The following GBX2 variants were observed in gnomAD, a reference collection of about 807,000 sequenced individuals.
GBX2 encodes gastrulation brain homeobox 2.
Under a neutral mutation model 22.4 loss-of-function variants are expected in GBX2, and 5 were observed. The ratio of observed to expected loss-of-function variants is 0.22; its 90% CI spans 0.12 to 0.47. The LOEUF (loss-of-function observed/expected upper bound fraction) is 0.47. Ranked by LOEUF, GBX2 falls within the 20% of genes least tolerant of loss-of-function variation. GBX2 has a pLI of 0.99. For synonymous variants in GBX2, 220 were observed against 230.5 expected (o/e 0.95, Z 0.41); for missense variants, 470 against 495.4 (o/e 0.95, Z 0.49).
chr2:236,166,385 C>A lies in GBX2; in HGVS notation c.576G>T (p.Pro192=). Residue 192 remains proline, a synonymous_variant, in exon 2 of 2, where the codon CCG becomes CCT. Transcript: ENST00000306318. This position sits in a 1 kb window ranked among gnomAD's most constrained non-coding sequence, Gnocchi z 6.6. ...GKDESKVEDD[P]KGKEESFSLE... ...GCGAGAAGCTCTCCTCCTTGCCCTT[C>A]GGGTCGTCTTCCACCTTTGACTCGT... 1 of 1,614,028 alleles carries A rather than the reference C, an allele frequency of 6.2e-7. No individual in the cohort carries two copies. Among genetic ancestry groups the A allele is most frequent in the Non-Finnish European group, 8.5e-7 (1 of 1,180,010 alleles).
chr2:236,161,992 A>T (rs2060215715), downstream of GBX2, among the ~76,000 whole-genome samples: 1 of 152,254 alleles, frequency 6.6e-6, no homozygotes, highest in South Asian at 2.1e-4. Flanking sequence ...ATGGGGCATA[A>T]CATGGGACTC....
chr2:236,168,019 C>G lies in GBX2; in HGVS notation c.-48G>C, dbSNP rs755785610. 102 of 1,396,684 alleles carry G rather than the reference C, an allele frequency of 7.3e-5. 1 individual carries two copies. In the South Asian group the frequency reaches 1.3e-3, roughly 18 times the overall value. 86.5% of individuals were successfully genotyped at this position (1,396,684 alleles called of 1,614,324 possible). The stretch of plus-strand genomic sequence containing the variant: ...CGAGAGGCGAAAAGTCCCCGCGCCG[C>G]GCCGCCGCCGGGAAGCCCGCCGGAC... On this transcript the variant is annotated 5_prime_UTR_variant, in exon 1 of 2. Transcript: ENST00000306318.
rs1224930817 is a variant in GBX2 at position 236,167,948 on chromosome 2, C to T, written c.24G>A (p.Ser8=). The T allele has an allele frequency of 1.3e-6, 2 of 1,561,770 alleles. No individual in the cohort carries two copies. Among genetic ancestry groups the T allele is most frequent in the Admixed American group, 1.8e-5 (1 of 54,394 alleles). MSAAFPP[S]LMMMQRPLGS... is the part of the protein sequence containing the mutation. ...CCAGCGGGCGCTGCATCATCATCAG[C>T]GACGGCGGGAACGCTGCGCTCATAG... Residue 8 remains serine (S), a synonymous_variant, in exon 1 of 2, where the codon TCG becomes TCA. Transcript: ENST00000306318.
At chr2:236,167,038 G>C (rs2060242934) in intron 1 of GBX2, 1 of 1,045,892 alleles carries the variant, frequency 9.6e-7, no homozygotes, top group Admixed American at 2.0e-5. Flanking sequence ...CAGACAAGTA[G>C]CAAGACCAGC....
chr2:236,166,663 T>G lies in GBX2; in HGVS notation c.524-226A>C, dbSNP rs1190712490. ...AGGAGGCAGTACAGGCGACGGCCCT[T>G]TGCCCAGAACCATCACTCAAAGGGC... On this transcript the variant is annotated intron_variant, in intron 1 of 1. Coordinates refer to ENST00000306318, the MANE Select transcript of GBX2 (RefSeq NM_001485.4). This position sits in a 1 kb window ranked among gnomAD's most constrained non-coding sequence, Gnocchi z 6.6. Among the ~76,000 whole-genome samples the G allele has an allele frequency of 6.6e-6, 1 of 152,020 alleles. No individual in the cohort carries two copies. Among genetic ancestry groups the G allele is most frequent in the Non-Finnish European group, 1.5e-5 (1 of 68,014 alleles).
At position 236,167,887 on chromosome 2, in the gene GBX2, C is replaced by A. The variant is rs1217562638; in HGVS notation, c.85G>T (p.Gly29Cys). 3 of 1,554,000 alleles carry A rather than the reference C, an allele frequency of 1.9e-6. No homozygotes were observed. The highest frequency in any genetic ancestry group is 3.8e-5 in the Admixed American group (2 of 53,238). ...CCGGGGCTGGGCTGCGGCGGGCTGC[C>A]GATCAGCGAGTCTATGCTGAAGGCG... ...STAFSIDSLI[G>C]SPPQPSPGHF... The change falls in exon 1 of 2, where the codon GGC becomes TGC. Residue 29 changes from glycine (G) to cysteine (C), a missense_variant. Around this residue, in one of 4 missense-constraint regions of GBX2, gnomAD observed 377 missense variants for 358.6 expected, o/e 1.05. Coordinates refer to ENST00000306318, the MANE Select transcript of GBX2 (RefSeq NM_001485.4).
In GBX2 at chr2:236,166,335, G is replaced by A. The variant is rs774692890; in HGVS notation, c.626C>T (p.Ser209Leu). ...FSLESDVDYS[S>L]DDNLTGQAAH... ...TGCCTGGCCAGTCAGATTGTCATCC[G>A]AGCTGTAGTCCACATCGCTCTCCAG... The change falls in exon 2 of 2, where the codon TCG (serine) becomes TTG (leucine). Residue 209 changes from serine to leucine, a missense_variant. Ser to Leu is a moderately radical substitution (Grantham distance 145). This residue lies in a region of GBX2 where 377 missense variants were observed against 358.6 expected (regional missense o/e 1.05). Transcript: ENST00000306318. The surrounding 1 kb of genome is among the most constrained non-coding windows in gnomAD (Gnocchi z 6.6). 10 of 1,614,018 alleles carry A rather than the reference G, an allele frequency of 6.2e-6. No individual in the cohort carries two copies. The highest frequency in any genetic ancestry group is 7.6e-6 in the Non-Finnish European group (9 of 1,180,028).
Position 236,167,629 on chromosome 2 carries a change from A to T in GBX2, c.343T>A (p.Ser115Thr). The change falls in exon 1 of 2, where the codon TCG (serine) becomes ACG (threonine). Residue 115 changes from serine to threonine, a missense_variant. By Grantham distance (58) the Ser-to-Thr change is moderately conservative. Coordinates refer to ENST00000306318, the MANE Select transcript of GBX2 (RefSeq NM_001485.4). ...MATLPGGFSA[S>T]PQHQEAAAAR... ...GCTGCCGCCTCCTGGTGCTGGGGCGACGCGGAGAAGCCGCCGGGGAGCGTG... is the reference window on the plus strand; with the variant it reads ...GCTGCCGCCTCCTGGTGCTGGGGCGTCGCGGAGAAGCCGCCGGGGAGCGTG... The T allele has an allele frequency of 1.3e-6, 2 of 1,593,454 alleles. No individual in the cohort carries two copies. The highest frequency in any genetic ancestry group is 2.2e-5 in the South Asian group (2 of 89,648).
chr2:236,162,540 G>A (rs908441656), downstream of GBX2, among the ~76,000 whole-genome samples: 1 of 152,192 alleles, frequency 6.6e-6, no homozygotes, highest in Non-Finnish European at 1.5e-5. Flanking sequence ...GATGGCTGCG[G>A]ATTTTCAGCA....
chr2:236,167,701 A>C lies in GBX2; in HGVS notation c.271T>G (p.Cys91Gly), dbSNP rs754843031. The change falls in exon 1 of 2, where the codon TGC (cysteine) becomes GGC (glycine). Residue 91 changes from cysteine to glycine, a missense_variant. Coordinates refer to ENST00000306318, the MANE Select transcript of GBX2 (RefSeq NM_001485.4). The part of the protein sequence containing the change: ...HQIPSLPTGF[C>G]SSLAQGMALT... ...GCCATGCCCTGCGCCAGGCTGGAGCAGAAGCCTGTGGGCAGGCTGGGGATC... is the reference window on the plus strand; with the variant it reads ...GCCATGCCCTGCGCCAGGCTGGAGCCGAAGCCTGTGGGCAGGCTGGGGATC... The C allele has an allele frequency of 2.5e-6, 4 of 1,573,984 alleles. No homozygotes were observed. The highest frequency in any genetic ancestry group is 3.4e-6 in the Non-Finnish European group (4 of 1,163,826).
chr2:236,162,668 C>T (rs529244988), downstream of GBX2, among the ~76,000 whole-genome samples: 51 of 152,286 alleles, frequency 3.3e-4, no homozygotes, highest in African/African-American at 1.2e-3. Flanking sequence ...TCGGTGGCTG[C>T]GGGGTGCAGG....
chr2:236,162,462 C>T (rs1396760187), downstream of GBX2, among the ~76,000 whole-genome samples: 2 of 152,226 alleles, frequency 1.3e-5, no homozygotes, highest in African/African-American at 4.8e-5. Flanking sequence ...TCCTGGGCTC[C>T]TTCTGGAAGG....
At chr2:236,162,091 A>C (rs1181373227), downstream of GBX2, among the ~76,000 whole-genome samples, 3 of 152,232 alleles carry the variant, frequency 2.0e-5, no homozygotes, top group Admixed American at 6.5e-5. Flanking sequence ...TAAGCCCATT[A>C]AGCTCAAACA....
chr2:236,164,941 C>T (rs1252089675), downstream of GBX2, among the ~76,000 whole-genome samples: 1 of 152,188 alleles, frequency 6.6e-6, no homozygotes, highest in East Asian at 1.9e-4. Context: ...CTCCGGGCAC[C>T]CACCTCCTCC....
rs1195322374 is a variant in GBX2 at position 236,167,337 on chromosome 2, G to T, written c.523+112C>A. On this transcript the variant is annotated intron_variant, in intron 1 of 1. Transcript: ENST00000306318. ...CCTCATCCTCCAGCTCCTCCCGCGGGGGTCGAGCGGGGGCGCGGCCTCGCC... is the reference window on the plus strand; with the variant it reads ...CCTCATCCTCCAGCTCCTCCCGCGGTGGTCGAGCGGGGGCGCGGCCTCGCC... 4.4e-6 allele frequency: 6 copies of T among 1,369,936 alleles called. No individual in the cohort carries two copies. In the African/African-American group the frequency reaches 4.4e-5, roughly 10 times the overall value. 84.9% of individuals were successfully genotyped at this position (1,369,936 alleles called of 1,614,324 possible).
downstream of GBX2, among the ~76,000 whole-genome samples, chr2:236,163,446 T>C (rs1427278974): frequency 6.6e-6 from 1 of 152,226 alleles, no homozygotes; most frequent in Non-Finnish European, 1.5e-5. Context: ...CCTAGTGGGC[T>C]TCGCTTTCCC....
At chr2:236,167,253 G>A in intron 1 of GBX2, 196 bp downstream of exon 1, 1 of 1,461,206 alleles carries the variant, frequency 6.8e-7, no homozygotes, top group Non-Finnish European at 9.3e-7. Context: ...CCCCCCTCCC[G>A]AGACCCCGCT....
rs2060231908 is a variant in GBX2, at chr2:236,165,273, A to G, written c.*641T>C. 1 of 152,174 alleles carries G rather than the reference A, an allele frequency of 6.6e-6. No homozygotes were observed. Among genetic ancestry groups the G allele is most frequent in the African/African-American group, 2.4e-5 (1 of 41,406 alleles). 9.4% of individuals were successfully genotyped at this position (152,174 alleles called of 1,614,324 possible). ...CCCCCCTCTCTCCTTTTTATTATTC[A>G]CAAGACTGAAATTGTTTAAATGTCA... On this transcript the variant is annotated 3_prime_UTR_variant, in exon 2 of 2. Transcript: ENST00000306318.
At chr2:236,163,140 A>G (rs2060220385), downstream of GBX2, among the ~76,000 whole-genome samples, 1 of 152,094 alleles carries the variant, frequency 6.6e-6, no homozygotes, top group Non-Finnish European at 1.5e-5. Flanking sequence ...GCCAAATGAA[A>G]GCCATGATGA....
Sources: allele counts gnomAD v4.1 joint callset (sites outside exome capture counted in the v4.1 genomes callset), GRCh38; gene constraint gnomAD v4.1.1; regional missense constraint gnomAD v4.1.1; non-coding constraint Gnocchi (gnomAD v3.1); transcripts MANE v1.5; gene names NCBI Gene and HGNC (gene_info 2026-07-23, HGNC 2026-07-21).